Variants in CAP1 observed in about 807,000 individuals in gnomAD.
CAP1 encodes the protein cyclase associated actin cytoskeleton regulatory protein 1, also known as adenylyl cyclase-associated protein 1.
CAP1 carries 11 observed loss-of-function variants against 58.2 expected under a neutral mutation model. The ratio of observed to expected loss-of-function variants is 0.19; its 90% CI spans 0.12 to 0.31. The LOEUF is 0.31. Ranked by LOEUF, CAP1 falls within the 10% of genes least tolerant of loss-of-function variation. CAP1 has a pLI of 1.00. For synonymous variants in CAP1, 183 were observed against 213.8 expected (o/e 0.86, Z 1.26); for missense variants, 423 against 587.5 (o/e 0.72, Z 2.89).
chr1:40,050,664 A>G (rs1436231403), intron 1 of CAP1, among the ~76,000 whole-genome samples: 1 of 151,984 alleles, frequency 6.6e-6, no homozygotes, highest in East Asian at 2.0e-4. Flanking sequence ...ATCTCAAAAA[A>G]TTACAGTAAT....
chr1:40,055,711 G>T (rs1048324103), intron 1 of CAP1, among the ~76,000 whole-genome samples: 6 of 152,110 alleles, frequency 3.9e-5, no homozygotes, highest in African/African-American at 1.4e-4. Flanking sequence ...GTCTCCCTAT[G>T]TTGCCCCGGC....
intron 1 of CAP1, among the ~76,000 whole-genome samples, chr1:40,055,468 G>A (rs1557682004): frequency 6.6e-6 from 1 of 152,154 alleles, no homozygotes. Flanking sequence ...GTAACTAGGG[G>A]AGACTAGCCA....
intron 1 of CAP1, among the ~76,000 whole-genome samples, chr1:40,051,420 G>A (rs1259179381): frequency 6.6e-6 from 1 of 151,922 alleles, no homozygotes; most frequent in African/African-American, 2.4e-5. Flanking sequence ...ACAAAAGCCA[G>A]GCATGGTGGC....
intron 1 of CAP1, among the ~76,000 whole-genome samples, chr1:40,054,577 G>A (rs1646531518): frequency 6.6e-6 from 1 of 152,148 alleles, no homozygotes; most frequent in African/African-American, 2.4e-5. Flanking sequence ...GAGATCAGAT[G>A]CATTCAGGGG....
chr1:40,070,013 A>G (rs534707694), intron 9 of CAP1, 139 bp downstream of exon 9: 134 of 1,400,516 alleles, frequency 9.6e-5, no homozygotes, highest in Non-Finnish European at 1.2e-4. Flanking sequence ...GGGGAAAAGG[A>G]GTAGGAACAG....
At chr1:40,061,074 C>A (rs995725990) in intron 3 of CAP1, among the ~76,000 whole-genome samples, 2 of 151,602 alleles carry the variant, frequency 1.3e-5, no homozygotes, top group Admixed American at 6.6e-5. Flanking sequence ...CTTTTGACTG[C>A]GAATGACCCT....
At chr1:40,049,178 ATTTTTT>A (rs72214452) in intron 1 of CAP1, among the ~76,000 whole-genome samples, 93 of 84,890 alleles carry the variant, frequency 1.1e-3, no homozygotes, top group African/African-American at 2.8e-3. Context: ...GCCATTTCTA[ATTTTTT>A]TTTTTTTTTT....
Position 40,066,365 on chromosome 1 carries a change from T to C in CAP1, c.630+45T>C, listed in dbSNP as rs1237819078. The C allele has an allele frequency of 5.8e-6, 5 of 857,020 alleles. No individual in the cohort carries two copies. In the South Asian group the frequency reaches 6.8e-5, roughly 12 times the overall value. 53.1% of individuals were successfully genotyped at this position (857,020 alleles called of 1,614,324 possible). A position where few individuals can be genotyped will look rare whatever the true frequency, so the allele number is the denominator to read the frequency against. On this transcript the variant is annotated intron_variant, in intron 7 of 12. Transcript: ENST00000372805. ...CTCCCTCCCTCCCTCCCACTTTCTCTCTCCAGCATGGGGTCCACAGGTTTC... is the reference window on the plus strand; with the variant it reads ...CTCCCTCCCTCCCTCCCACTTTCTCCCTCCAGCATGGGGTCCACAGGTTTC...
chr1:40,062,403 T>C (rs1646888811), intron 4 of CAP1, among the ~76,000 whole-genome samples: 1 of 152,198 alleles, frequency 6.6e-6, no homozygotes, highest in African/African-American at 2.4e-5. Context: ...ATTAAAACCC[T>C]TGACCCTCAG....
intron 8 of CAP1, 64 bp from the exon 9 acceptor site, chr1:40,069,626 A>G: frequency 7.1e-7 from 1 of 1,416,498 alleles, no homozygotes; most frequent in Non-Finnish European, 9.7e-7. Context: ...GATGTTTAAC[A>G]TGACGATAGC....
intron 1 of CAP1, among the ~76,000 whole-genome samples, chr1:40,046,975 A>G (rs1413581676): frequency 6.6e-6 from 1 of 151,942 alleles, no homozygotes; most frequent in African/African-American, 2.4e-5. Context: ...GTTTAACTAT[A>G]TTGGCCAGGC....
Position 40,063,674 on chromosome 1 carries a change from A to G in CAP1, c.295-553A>G, listed in dbSNP as rs143723027. ...TACAGCAGCTACTATATGGCTGGCA[A>G]TGCATTGGGGGCTTTCATGATGATA... On this transcript the variant is annotated intron_variant, in intron 4 of 12. Coordinates refer to ENST00000372805, the MANE Select transcript of CAP1 (RefSeq NM_006367.4). Among the ~76,000 whole-genome samples, 19 of 152,352 alleles carry G rather than the reference A, an allele frequency of 1.2e-4. No individual in the cohort carries two copies. The East Asian group carries it at 3.5e-3, about 28-fold the overall frequency.
chr1:40,042,273 G>T (rs938182799), intron 1 of CAP1, among the ~76,000 whole-genome samples: 2 of 152,180 alleles, frequency 1.3e-5, no homozygotes, highest in African/African-American at 4.8e-5. Context: ...GTTTACAGTG[G>T]GAGAGGAAAT....
At chr1:40,063,921 G>C (rs1230059286) in intron 4 of CAP1, among the ~76,000 whole-genome samples, 1 of 152,216 alleles carries the variant, frequency 6.6e-6, no homozygotes, top group Non-Finnish European at 1.5e-5. Flanking sequence ...CAGGAATGAT[G>C]TCCTGAGTGT....
intron 8 of CAP1, among the ~76,000 whole-genome samples, chr1:40,068,461 A>C (rs1647218154): frequency 6.6e-6 from 1 of 150,896 alleles, no homozygotes; most frequent in Non-Finnish European, 1.5e-5. Flanking sequence ...TATTTTTAGT[A>C]GAGATGGGGT....
intron 9 of CAP1, 105 bp downstream of exon 9, chr1:40,069,979 G>A (rs1358712086): frequency 1.1e-5 from 16 of 1,403,850 alleles, no homozygotes; most frequent in South Asian, 5.7e-5. Flanking sequence ...GCGCGATTTC[G>A]GCTTACCGCA....
chr1:40,068,008 C>T (rs1470317838), intron 8 of CAP1, among the ~76,000 whole-genome samples: 4 of 152,332 alleles, frequency 2.6e-5, no homozygotes, highest in African/African-American at 4.8e-5. Context: ...GAGCTTTTTC[C>T]GTGGCACCAC....
chr1:40,048,554 G>C (rs919855657), intron 1 of CAP1, among the ~76,000 whole-genome samples: 4 of 152,132 alleles, frequency 2.6e-5, no homozygotes, highest in Non-Finnish European at 5.9e-5. Flanking sequence ...AGAAGGGATA[G>C]TCAAGTAGAG....
At chr1:40,061,322 A>T (rs1164519070) in intron 3 of CAP1, among the ~76,000 whole-genome samples, 1 of 152,230 alleles carries the variant, frequency 6.6e-6, no homozygotes, top group African/African-American at 2.4e-5. Flanking sequence ...TACCTTGAGA[A>T]TTTTCAGCAG....
Sources: gnomAD v4.1 joint callset for allele counts (sites outside exome capture counted in the v4.1 genomes callset) on GRCh38, gnomAD v4.1.1 for gene constraint, MANE v1.5 for transcripts, NCBI Gene and HGNC (gene_info 2026-07-23, HGNC 2026-07-21) for gene names.